TDP1: variants seen among roughly 807,000 people sequenced by gnomAD.
TDP1 encodes tyrosyl-DNA phosphodiesterase 1, also known as tyr-DNA phosphodiesterase 1.
Under a neutral mutation model 81.5 loss-of-function variants are expected in TDP1, and 64 were observed. The observed-to-expected ratio is 0.79, with a 90% CI of 0.64 to 0.97. TDP1 has a LOEUF of 0.97. TDP1 is among the 50% of genes least tolerant of loss of function. The pLI is 0.00. For synonymous variants in TDP1, 256 were observed against 264.3 expected, an observed-to-expected ratio of 0.97 and a Z score of 0.30; for missense variants, 723 against 743.8, an observed-to-expected ratio of 0.97 and a Z score of 0.33.
intron 16 of TDP1, 169 bp downstream of exon 16, chr14:90,033,383 A>G (rs1205694036): frequency 1.4e-6 from 1 of 691,380 alleles, no homozygotes; most frequent in Admixed American, 2.0e-5. Context: ...GCCACTGGTT[A>G]GTCTTGGAAT....
chr14:89,995,230 C>G (rs1896562872), intron 14 of TDP1, among the ~76,000 whole-genome samples: 2 of 152,124 alleles, frequency 1.3e-5, no homozygotes, highest in Admixed American at 6.5e-5. Flanking sequence ...TTTCAATATG[C>G]CAGACTGTTC....
chr14:89,982,952 CTT>C (rs1253056711), intron 8 of TDP1, among the ~76,000 whole-genome samples: 1 of 152,158 alleles, frequency 6.6e-6, no homozygotes, highest in East Asian at 1.9e-4. Context: ...TGATTTCTCA[CTT>C]TTTAAAATTA....
chr14:89,983,084 A>G (rs983002053), intron 8 of TDP1: 6 of 455,454 alleles, frequency 1.3e-5, no homozygotes, highest in African/African-American at 1.2e-4. Context: ...ATCTTAGTTT[A>G]GAAAGTCATT....
At chr14:89,991,146 G>A (rs985635311) in intron 12 of TDP1, among the ~76,000 whole-genome samples, 2 of 152,014 alleles carry the variant, frequency 1.3e-5, no homozygotes, top group African/African-American at 2.4e-5. Flanking sequence ...CAAGTCCCAC[G>A]GTCTTGGGCA....
At chr14:89,955,831 C>A (rs952212258), upstream of TDP1, 2 of 152,450 alleles carry the variant, frequency 1.3e-5, no homozygotes, top group African/African-American at 2.4e-5. Context: ...GGCTTTAGGA[C>A]CCAGCGGTGG....
chr14:89,996,022 G>A (rs7150605), intron 14 of TDP1, among the ~76,000 whole-genome samples: 26,626 of 152,166 alleles, frequency 0.17, 5,312 homozygotes, highest in African/African-American at 0.49. Context: ...GGAAATAGCT[G>A]TCAAAGCCTA....
At chr14:90,022,844 G>A (rs35442728) in intron 15 of TDP1, 22,963 of 812,140 alleles carry the variant, frequency 0.028, 640 homozygotes, top group African/African-American at 0.12. Flanking sequence ...TTGTCGTTTC[G>A]CTGAGTTTAT....
intron 15 of TDP1, 109 bp downstream of exon 15, chr14:90,019,527 G>A (rs1020817172): frequency 2.2e-5 from 16 of 723,112 alleles, no homozygotes; most frequent in African/African-American, 8.7e-5. Context: ...GGAAACAGTC[G>A]GGATTCTTAC....
At chr14:89,983,293 G>A (rs1895197691) in intron 8 of TDP1, 4 of 361,764 alleles carry the variant, frequency 1.1e-5, no homozygotes, top group East Asian at 7.8e-5. Context: ...TCAGCTAGTC[G>A]ATCTGGGTCC....
intron 15 of TDP1, among the ~76,000 whole-genome samples, chr14:90,029,883 A>G (rs1279362236): frequency 1.3e-5 from 2 of 152,220 alleles, no homozygotes; most frequent in Non-Finnish European, 2.9e-5. Context: ...GAGTGATTAC[A>G]TCACAGAGAA....
In TDP1 at chr14:90,021,352, C is replaced by T. The variant is rs34877736; in HGVS notation, c.1644+1934C>T. On this transcript the variant is annotated intron_variant, in intron 15 of 16. Transcript: ENST00000335725. ...TCACTAGGAGGTGTGATTATAGTGACTGTGGCTTTTATAATAACTGTGGCT... is the reference window on the plus strand; with the variant it reads ...TCACTAGGAGGTGTGATTATAGTGATTGTGGCTTTTATAATAACTGTGGCT... Among the ~76,000 whole-genome samples the T allele has an allele frequency of 3.9e-3, 587 of 152,264 alleles. 2 individuals carry two copies. The highest frequency in any genetic ancestry group is 0.014 in the African/African-American group (567 of 41,558).
At position 89,971,231 on chromosome 14, in the gene TDP1, A is replaced by G. The variant is rs750038981; in HGVS notation, c.716A>G (p.His239Arg). The stretch of plus-strand genomic sequence containing the variant: ...AAGCGAGAGGCTAAGGCTCACCTCC[A>G]TGCCCAGGCCAAGCCTTACGAGAAC... Reference protein sequence around the residue: ...GDKREAKAHLHAQAKPYENIS... With the variant: ...GDKREAKAHLRAQAKPYENIS... Residue 239 changes from histidine (H) to arginine (R), a missense_variant, in exon 6 of 17, where the codon CAT becomes CGT. Physicochemically the swap from His to Arg is conservative, Grantham distance 29. Coordinates refer to ENST00000335725, the MANE Select transcript of TDP1 (RefSeq NM_018319.4). 42 of 1,614,032 alleles carry G rather than the reference A, an allele frequency of 2.6e-5. No individual in the cohort carries two copies. The highest frequency in any genetic ancestry group is 3.1e-5 in the Non-Finnish European group (37 of 1,180,008).
intron 15 of TDP1, among the ~76,000 whole-genome samples, chr14:90,020,756 T>C (rs112002095): frequency 2.1e-5 from 3 of 141,622 alleles, no homozygotes; most frequent in African/African-American, 5.5e-5. Flanking sequence ...AGCTGAGGGG[T>C]TGGTGTGTGC....
chr14:89,980,486 T>C, intron 7 of TDP1, 54 bp from the exon 8 acceptor site: 16 of 1,525,354 alleles, frequency 1.0e-5, no homozygotes, highest in Non-Finnish European at 1.5e-5. Context: ...TGGAAAGGTA[T>C]TACATATTTT....
At position 90,019,373 on chromosome 14, in the gene TDP1, G is replaced by A. The variant is rs1427822684; in HGVS notation, c.1599G>A (p.Met533Ile). ...TGGAGAAGAATGGCACCCAGCTGAT[G>A]ATCCGCTCCTACGAGCTCGGGGTCC... ...GALEKNGTQL[M>I]IRSYELGVLF... is the part of the protein sequence containing the mutation. The change falls in exon 15 of 17, where the codon ATG becomes ATA. Residue 533 changes from methionine (M) to isoleucine (I), a missense_variant. Coordinates refer to ENST00000335725, the MANE Select transcript of TDP1 (RefSeq NM_018319.4). 1.2e-6 allele frequency: 2 copies of A among 1,613,244 alleles called. No homozygotes were observed. The highest frequency in any genetic ancestry group is 1.7e-6 in the Non-Finnish European group (2 of 1,179,316).
At position 89,989,892 on chromosome 14, in the gene TDP1, A is replaced by ATAGGCAATATGAAGCTCTGCATTCCG. The variant is rs1895997073; in HGVS notation, c.1366+128_1366+153dup. On this transcript the variant is annotated intron_variant, in intron 12 of 16. Coordinates refer to ENST00000335725, the MANE Select transcript of TDP1 (RefSeq NM_018319.4). ...ACTTAACTATATAAGGATCATGAAA[A>ATAGGCAATATGAAGCTCTGCATTCCG]TAGGCAATATGAAGCTCTGCATTCC... The ATAGGCAATATGAAGCTCTGCATTCCG allele has an allele frequency of 5.2e-6, 4 of 763,620 alleles. No individual in the cohort carries two copies. The Admixed American group carries it at 6.0e-5, about 12-fold the overall frequency. The allele number at this position is 763,620 out of a possible 1,614,324, so 47.3% of individuals were successfully genotyped here.
chr14:89,959,180 A>G (rs1422531888), intron 2 of TDP1, among the ~76,000 whole-genome samples: 1 of 152,234 alleles, frequency 6.6e-6, no homozygotes, highest in Non-Finnish European at 1.5e-5. Context: ...ACACAGCTAT[A>G]TTGTATTCTG....
intron 16 of TDP1, among the ~76,000 whole-genome samples, chr14:90,039,607 T>A (rs2140349256): frequency 6.6e-6 from 1 of 151,434 alleles, no homozygotes; most frequent in Non-Finnish European, 1.5e-5. Flanking sequence ...TCTTAGGGGG[T>A]TGGAGAAAAG....
chr14:90,029,076 C>T (rs551133648), intron 15 of TDP1, among the ~76,000 whole-genome samples: 1 of 152,040 alleles, frequency 6.6e-6, no homozygotes, highest in East Asian at 1.9e-4. Flanking sequence ...CTTAAATTTT[C>T]AAGGAATTCT....
Sources: gnomAD v4.1 joint callset for allele counts (sites outside exome capture counted in the v4.1 genomes callset) on GRCh38, gnomAD v4.1.1 for gene constraint, MANE v1.5 for transcripts, NCBI Gene and HGNC (gene_info 2026-07-23, HGNC 2026-07-21) for gene names.